Variants in ATF7IP2 observed in about 807,000 individuals in gnomAD.
ATF7IP2 encodes the protein activating transcription factor 7 interacting protein 2, also known as activating transcription factor 7-interacting protein 2.
A neutral mutation model predicts 64.2 loss-of-function variants in ATF7IP2; 42 were observed. That is an observed-to-expected ratio of 0.65 (90% CI 0.51 to 0.85). The LOEUF (loss-of-function observed/expected upper bound fraction) is 0.85. Ranked by LOEUF, ATF7IP2 falls within the 40% of genes least tolerant of loss-of-function variation. The probability of loss-of-function intolerance (pLI) is 0.00; values close to 1 mark genes in which losing one functional copy is unlikely to be tolerated. For synonymous variants in ATF7IP2, 308 were observed against 272.8 expected (o/e 1.13, Z -1.27); for missense variants, 933 against 784.2 (o/e 1.19, Z -2.27).
chr16:10,405,868 C>G (rs2047628437), intron 1 of ATF7IP2, among the ~76,000 whole-genome samples: 1 of 152,094 alleles, frequency 6.6e-6, no homozygotes, highest in Non-Finnish European at 1.5e-5. Context: ...CTAACAGAAG[C>G]TTTCACTTGA....
intron 1 of ATF7IP2, among the ~76,000 whole-genome samples, chr16:10,388,088 AC>A (rs1412221116): frequency 6.6e-6 from 1 of 151,858 alleles, no homozygotes; most frequent in Non-Finnish European, 1.5e-5. Context: ...ATGGGGTTTC[AC>A]CGTGTTGGCC....
Position 10,457,322 on chromosome 16 carries a change from T to C in ATF7IP2, c.1195-50T>C, listed in dbSNP as rs766302006. On this transcript the variant is annotated intron_variant, in intron 8 of 13. Transcript: ENST00000562102. ...AAAATGCTAATTTTGTTTGGAAGGA[T>C]ACAATTGGTAAAATTCCCTTCAACT... is the stretch of plus-strand genomic sequence containing the variant. The C allele has an allele frequency of 4.0e-6, 6 of 1,507,766 alleles. No homozygotes were observed. In the East Asian group the frequency reaches 7.0e-5, roughly 18 times the overall value. The allele number at this position is 1,507,766 out of a possible 1,614,324, so 93.4% of individuals were successfully genotyped here. A position where few individuals can be genotyped will look rare whatever the true frequency, so the allele number is the denominator to read the frequency against.
At chr16:10,390,382 G>C (rs1334999176) in intron 1 of ATF7IP2, among the ~76,000 whole-genome samples, 1 of 152,204 alleles carries the variant, frequency 6.6e-6, no homozygotes, top group South Asian at 2.1e-4. Flanking sequence ...GCATCTTAGA[G>C]AATATTGGAT....
intron 1 of ATF7IP2, among the ~76,000 whole-genome samples, chr16:10,402,780 A>C (rs1284873129): frequency 1.3e-5 from 2 of 151,952 alleles, no homozygotes; most frequent in African/African-American, 4.8e-5. Flanking sequence ...TGGTTTTTTA[A>C]AAATTTGTTC....
At chr16:10,416,479 G>A (rs868388663) in intron 2 of ATF7IP2, among the ~76,000 whole-genome samples, 3 of 152,088 alleles carry the variant, frequency 2.0e-5, no homozygotes, top group Admixed American at 1.3e-4. Context: ...GAAGGTGGGG[G>A]TGGTTAATGG....
intron 8 of ATF7IP2, among the ~76,000 whole-genome samples, chr16:10,441,853 G>C (rs1456237488): frequency 6.6e-6 from 1 of 152,018 alleles, no homozygotes; most frequent in Non-Finnish European, 1.5e-5. Context: ...GCCTATGTTA[G>C]AAACAAGAGC....
intron 12 of ATF7IP2, 101 bp downstream of exon 12, chr16:10,474,090 G>C: frequency 1.3e-6 from 1 of 752,486 alleles, no homozygotes; most frequent in Non-Finnish European, 2.2e-6. Flanking sequence ...ATATGTGAGT[G>C]TGCCTATGTT....
intron 12 of ATF7IP2, among the ~76,000 whole-genome samples, chr16:10,478,907 C>G (rs1437798741): frequency 3.0e-4 from 46 of 152,234 alleles, no homozygotes; most frequent in Admixed American, 2.7e-3. Context: ...AAAATGCTCA[C>G]CATCACTGGC....
At chr16:10,463,058 A>G (rs1188753373) in intron 9 of ATF7IP2, among the ~76,000 whole-genome samples, 3 of 152,210 alleles carry the variant, frequency 2.0e-5, no homozygotes, top group East Asian at 1.9e-4. Flanking sequence ...CAAGCGTTGT[A>G]CATTTTAGTC....
chr16:10,441,742 A>T (rs147730295), intron 8 of ATF7IP2, among the ~76,000 whole-genome samples: 1 of 152,074 alleles, frequency 6.6e-6, no homozygotes, highest in African/African-American at 2.4e-5. Flanking sequence ...GAATCTCTTT[A>T]GTTTAATTAG....
rs143774547 is a variant in ATF7IP2, at chr16:10,409,068, G to C, written c.-241-5506G>C. 5.5e-3 allele frequency among the ~76,000 whole-genome samples: 839 copies of C among 152,296 alleles called. 2 individuals are homozygous for C. Among genetic ancestry groups the C allele is most frequent in the Non-Finnish European group, 9.7e-3 (658 of 68,028 alleles). The stretch of plus-strand genomic sequence containing the variant: ...AGCACACTGAACAAAGGAGAGAAAG[G>C]GTTATTCCTAATGTGGCCCCTACAT... On this transcript the variant is annotated intron_variant, in intron 1 of 13. Coordinates refer to ENST00000562102, the MANE Select transcript of ATF7IP2 (RefSeq NM_001393719.1).
chr16:10,460,260 A>G (rs536380125), intron 9 of ATF7IP2, among the ~76,000 whole-genome samples: 46 of 152,326 alleles, frequency 3.0e-4, no homozygotes, highest in South Asian at 2.3e-3. Context: ...GTAAAACGTT[A>G]GATATTAAAG....
intron 6 of ATF7IP2, 91 bp downstream of exon 6, chr16:10,433,740 A>T: frequency 7.0e-7 from 1 of 1,430,712 alleles, no homozygotes; most frequent in Non-Finnish European, 9.7e-7. Flanking sequence ...GGCATAATAC[A>T]GACGACTTTC....
chr16:10,413,543 G>A (rs1024040499), intron 1 of ATF7IP2, among the ~76,000 whole-genome samples: 7 of 152,112 alleles, frequency 4.6e-5, no homozygotes, highest in Admixed American at 6.6e-5. Flanking sequence ...TAGTTGTGAG[G>A]TACTATTCTG....
chr16:10,435,927 T>C (rs1327721891), intron 6 of ATF7IP2, among the ~76,000 whole-genome samples: 3 of 152,146 alleles, frequency 2.0e-5, no homozygotes. Flanking sequence ...AAACAGTGTT[T>C]CCACGTTCAA....
At position 10,430,518 on chromosome 16, in the gene ATF7IP2, A is replaced by G. The variant is rs1193407703; in HGVS notation, c.-10-93A>G. On this transcript the variant is annotated intron_variant, in intron 4 of 13. Transcript: ENST00000562102. ...AATATGGAGAGACAGTGTCAATGTT[A>G]TTTTAATATTGTAAATAAATAACTT... 8.3e-6 allele frequency: 6 copies of G among 722,186 alleles called. No individual in the cohort carries two copies. In the Admixed American group the frequency reaches 1.8e-4, roughly 22 times the overall value. The allele number at this position is 722,186 out of a possible 1,614,324, so 44.7% of individuals were successfully genotyped here. A position where few individuals can be genotyped will look rare whatever the true frequency, so the allele number is the denominator to read the frequency against.
chr16:10,442,045 C>T (rs866314378), intron 8 of ATF7IP2, among the ~76,000 whole-genome samples: 1 of 152,182 alleles, frequency 6.6e-6, no homozygotes, highest in Non-Finnish European at 1.5e-5. Context: ...TAATTGGGGT[C>T]GGATTGCACA....
At chr16:10,412,244 G>A (rs1214471714) in intron 1 of ATF7IP2, among the ~76,000 whole-genome samples, 2 of 150,868 alleles carry the variant, frequency 1.3e-5, no homozygotes, top group Non-Finnish European at 3.0e-5. Flanking sequence ...TCTTGTTTCT[G>A]TATTTCCTTG....
chr16:10,411,691 C>T (rs187715477), intron 1 of ATF7IP2, among the ~76,000 whole-genome samples: 1 of 152,140 alleles, frequency 6.6e-6, no homozygotes, highest in East Asian at 1.9e-4. Context: ...TTTTTAATTG[C>T]CATGTCAATC....
Sources: gnomAD v4.1 joint callset for allele counts (sites outside exome capture counted in the v4.1 genomes callset) on GRCh38, gnomAD v4.1.1 for gene constraint, MANE v1.5 for transcripts, NCBI Gene and HGNC (gene_info 2026-07-23, HGNC 2026-07-21) for gene names.